DHX37: variants seen among roughly 807,000 people sequenced by gnomAD.
The protein encoded by DHX37 is probable ATP-dependent RNA helicase DHX37.
Under a neutral mutation model 134.3 loss-of-function variants are expected in DHX37, and 52 were observed. The ratio of observed to expected loss-of-function variants is 0.39; its 90% CI spans 0.31 to 0.49. DHX37 has a LOEUF of 0.49. Ranked by LOEUF, DHX37 falls within the 20% of genes least tolerant of loss-of-function variation. The pLI is 0.93. For missense variants in DHX37, 1,344 were observed against 1,580.8 expected, an observed-to-expected ratio of 0.85 and a Z score of 2.54; for synonymous variants, 634 against 670.7, an observed-to-expected ratio of 0.95 and a Z score of 0.85.
Position 124,966,889 on chromosome 12 carries a change from G to A in DHX37, c.1505-11C>T. The A allele has an allele frequency of 6.2e-7, 1 of 1,614,252 alleles. No individual in the cohort carries two copies. Among genetic ancestry groups the A allele is most frequent in the Non-Finnish European group, 8.5e-7 (1 of 1,180,050 alleles). Reference sequence around the variant, plus strand: ...GATCGTCGTCCTTTTCTGGGAGAGGGGCAGGTTGGGGAGAAAGGCGTCTGT... The same window carrying A: ...GATCGTCGTCCTTTTCTGGGAGAGGAGCAGGTTGGGGAGAAAGGCGTCTGT... On this transcript the variant is annotated splice_polypyrimidine_tract_variant and intron_variant, in intron 11 of 26. Coordinates refer to ENST00000308736, the MANE Select transcript of DHX37 (RefSeq NM_032656.4).
At chr12:124,977,520 A>C in intron 4 of DHX37, 30 bp from the exon 5 acceptor site, 1 of 1,574,558 alleles carries the variant, frequency 6.4e-7, no homozygotes, top group Non-Finnish European at 8.6e-7. Context: ...GCACTTAGGG[A>C]GCAGCAAGAC....
At chr12:124,977,767 G>A (rs147780835) in intron 4 of DHX37, among the ~76,000 whole-genome samples, 4 of 152,322 alleles carry the variant, frequency 2.6e-5, no homozygotes, top group East Asian at 3.9e-4. Flanking sequence ...GTTGCTGGCA[G>A]GAGTCTCAAT....
intron 12 of DHX37, among the ~76,000 whole-genome samples, chr12:124,966,530 T>C (rs546124909): frequency 6.6e-6 from 1 of 152,212 alleles, no homozygotes; most frequent in African/African-American, 2.4e-5. Context: ...ACTGGATTAA[T>C]CTAAAAAATT....
intron 4 of DHX37, 151 bp from the exon 5 acceptor site, chr12:124,977,641 A>G: frequency 1.2e-6 from 1 of 821,530 alleles, no homozygotes; most frequent in Non-Finnish European, 1.7e-6. Flanking sequence ...ACCAGGAGCC[A>G]TGGTCCAGGA....
chr12:124,948,442 C>G, intron 25 of DHX37: 1 of 605,082 alleles, frequency 1.7e-6, no homozygotes, highest in Non-Finnish European at 2.8e-6. Flanking sequence ...AGGGCAAGAA[C>G]TTGTCTCAAA....
At position 124,986,162 on chromosome 12, in the gene DHX37, C is replaced by T; in HGVS notation, c.210G>A (p.Lys70=). 1.9e-6 allele frequency: 3 copies of T among 1,614,176 alleles called. No homozygotes were observed. The highest frequency in any genetic ancestry group is 2.7e-5 in the African/African-American group (2 of 75,054). Residue 70 remains lysine, a synonymous_variant, in exon 2 of 27, where the codon AAG becomes AAA. Coordinates refer to ENST00000308736, the MANE Select transcript of DHX37 (RefSeq NM_032656.4). ...CTTTCTTCTCCTTCTTGGTCAGAGG[C>T]TTCTTCTCCTTCTTCGACAGGGGAG... ...KAPPLSKKEK[K]PLTKKEKKVL...
At chr12:124,961,286 A>ATACACG (rs1566332706) in intron 15 of DHX37, among the ~76,000 whole-genome samples, 5 of 104,428 alleles carry the variant, frequency 4.8e-5, no homozygotes, top group African/African-American at 1.5e-4. Context: ...ACGCACACAC[A>ATACACG]CTTACACGCG....
At position 124,964,501 on chromosome 12, in the gene DHX37, G is replaced by A. The variant is rs561296913; in HGVS notation, c.1938C>T (p.Tyr646=). The A allele has an allele frequency of 6.2e-6, 10 of 1,614,198 alleles. No individual in the cohort carries two copies. The highest frequency in any genetic ancestry group is 2.2e-5 in the East Asian group (1 of 44,874). ...VDCGKVKKRY[Y]DRVTGVSSFR... Reference sequence around the variant, plus strand: ...AGGAGGATACGCCAGTGACGCGGTCGTAGTAGCGTTTCTTGACCTTCCCAC... The same window carrying A: ...AGGAGGATACGCCAGTGACGCGGTCATAGTAGCGTTTCTTGACCTTCCCAC... The change falls in exon 15 of 27, where the codon TAC becomes TAT. Residue 646 remains tyrosine, a synonymous_variant. Transcript: ENST00000308736.
chr12:124,956,378 A>AT (rs11439230), intron 18 of DHX37, among the ~76,000 whole-genome samples: 32,062 of 152,258 alleles, frequency 0.21, 4,280 homozygotes, highest in East Asian at 0.57. Context: ...AAATTATTAA[A>AT]TAATTGTTCA....
chr12:124,980,205 G>A lies in DHX37; in HGVS notation c.738+285C>T, dbSNP rs1050606136. 4.6e-5 allele frequency among the ~76,000 whole-genome samples: 7 copies of A among 152,238 alleles called. No homozygotes were observed. The highest frequency in any genetic ancestry group is 1.7e-4 in the African/African-American group (7 of 41,468). The stretch of plus-strand genomic sequence containing the variant: ...TCTTGTCTGGATCGGGGCAGCCCAG[G>A]CCAGGCCCGCTGGTCAGAGGGCAGT... On this transcript the variant is annotated intron_variant, in intron 4 of 26. Transcript: ENST00000308736. The surrounding 1 kb of genome is among the most constrained non-coding windows in gnomAD (Gnocchi z 5.3).
At chr12:124,973,023 T>C (rs1313373727) in intron 6 of DHX37, among the ~76,000 whole-genome samples, 2 of 152,216 alleles carry the variant, frequency 1.3e-5, no homozygotes, top group Non-Finnish European at 2.9e-5. Flanking sequence ...GCACCTGTAG[T>C]CCCAGCTACT....
chr12:124,958,980 G>T (rs1448523079), intron 16 of DHX37, among the ~76,000 whole-genome samples: 5 of 149,436 alleles, frequency 3.3e-5, no homozygotes, highest in Admixed American at 2.7e-4. Context: ...CATGATCTTG[G>T]CTCACTGCAA....
intron 5 of DHX37, among the ~76,000 whole-genome samples, chr12:124,976,444 G>C (rs1210466809): frequency 2.0e-5 from 3 of 152,214 alleles, no homozygotes; most frequent in Admixed American, 1.3e-4. Context: ...GGGCGGGGTG[G>C]CTCACGCCTG....
At chr12:124,955,071 C>T (rs1030628399) in intron 18 of DHX37, among the ~76,000 whole-genome samples, 3 of 152,204 alleles carry the variant, frequency 2.0e-5, no homozygotes, top group African/African-American at 7.2e-5. Context: ...GATGCTGGGA[C>T]CAGGAGATCT....
intron 15 of DHX37, among the ~76,000 whole-genome samples, chr12:124,962,266 G>A (rs371902847): frequency 1.6e-4 from 25 of 152,318 alleles, no homozygotes; most frequent in East Asian, 5.8e-4. Flanking sequence ...CTGGCCAGGC[G>A]TGGTGGTTCA....
chr12:124,947,421 A>C lies in DHX37; in HGVS notation c.*381T>G. On this transcript the variant is annotated 3_prime_UTR_variant, in exon 27 of 27. Coordinates refer to ENST00000308736, the MANE Select transcript of DHX37 (RefSeq NM_032656.4). ...CTCTGGAGAGGGAAGAATTGCAGGA[A>C]GGAGGCCCTCCACGTGCCTCCTCGG... 2 of 170,924 alleles carry C rather than the reference A, an allele frequency of 1.2e-5. No homozygotes were observed. Among genetic ancestry groups the C allele is most frequent in the Non-Finnish European group, 1.2e-5 (1 of 81,014 alleles). The allele number at this position is 170,924 out of a possible 1,614,324, so 10.6% of individuals were successfully genotyped here.
At position 124,980,708 on chromosome 12, in the gene DHX37, C is replaced by T. The variant is rs766588582; in HGVS notation, c.520G>A (p.Glu174Lys). 1.3e-6 allele frequency: 2 copies of T among 1,569,240 alleles called. No individual in the cohort carries two copies. Among genetic ancestry groups the T allele is most frequent in the Non-Finnish European group, 1.7e-6 (2 of 1,158,754 alleles). Residue 174 changes from glutamate (E) to lysine (K), a missense_variant, in exon 4 of 27, where the codon GAG becomes AAG. Physicochemically the swap from Glu to Lys is moderately conservative, Grantham distance 56. This residue lies in a region of DHX37 where 319 missense variants were observed against 296.1 expected (regional missense o/e 1.08). Transcript: ENST00000308736. The surrounding 1 kb of genome is among the most constrained non-coding windows in gnomAD (Gnocchi z 5.3). ...EEEEESESEL[E>K]EESELDEDPA... ...TCCTCGTCCAGCTCCGACTCCTCCTCCAGCTCCGATTCCGACTCCTCCTCC... is the reference window on the plus strand; with the variant it reads ...TCCTCGTCCAGCTCCGACTCCTCCTTCAGCTCCGATTCCGACTCCTCCTCC...
At chr12:124,982,441 C>T (rs11057949) in intron 3 of DHX37, 70 bp downstream of exon 3, 528,635 of 1,586,378 alleles carry the variant, frequency 0.33, 91,253 homozygotes, top group South Asian at 0.46. Context: ...CAGAGGACCC[C>T]ATAACCTGTG....
intron 4 of DHX37, among the ~76,000 whole-genome samples, chr12:124,978,863 TAGAGG>T (rs1954699763): frequency 6.7e-6 from 1 of 149,950 alleles, no homozygotes; most frequent in South Asian, 2.1e-4. Context: ...GCCCAGGAGG[TAGAGG>T]CTGCAGTGAA....
Sources: gnomAD v4.1 joint callset for allele counts (sites outside exome capture counted in the v4.1 genomes callset) on GRCh38, gnomAD v4.1.1 for gene constraint, gnomAD v4.1.1 regional missense constraint, Gnocchi (gnomAD v3.1) non-coding constraint, MANE v1.5 for transcripts, NCBI Gene and HGNC (gene_info 2026-07-23, HGNC 2026-07-21) for gene names.